IL5: variants seen among roughly 807,000 people sequenced by gnomAD.
IL5 encodes interleukin-5.
Under a neutral mutation model 16.3 loss-of-function variants are expected in IL5, and 12 were observed. That is an observed-to-expected ratio of 0.74 (90% CI 0.47 to 1.20). The LOEUF (loss-of-function observed/expected upper bound fraction) is 1.20. Among genes scored for constraint, IL5 ranks in the 50% most tolerant of loss-of-function variants. The pLI is 0.00. For missense variants in IL5, 159 were observed against 153.9 expected (o/e 1.03, Z -0.17); for synonymous variants, 54 against 56.6 (o/e 0.95, Z 0.21).
chr5:132,545,949 C>CACA (rs140055064), upstream of IL5, among the ~76,000 whole-genome samples: 676 of 151,612 alleles, frequency 4.5e-3, 5 homozygotes, highest in African/African-American at 0.011. Flanking sequence ...AAACAAAAAG[C>CACA]ACAACAACAA....
chr5:132,542,067 T>C lies in IL5; in HGVS notation c.254A>G (p.Glu85Gly), dbSNP rs1234766583. Residue 85 changes from glutamate to glycine, a missense_variant, in exon 3 of 4, where the codon GAA becomes GGA. Glu to Gly is a moderately conservative substitution (Grantham distance 98, BLOSUM62 -2). Transcript: ENST00000231454. ...TAAGGACAAGTTTTTGAATAGTCTT[T>C]CCACAGTACCCCCTTGCACAGTTTG... ...ESQTVQGGTV[E>G]RLFKNLSLIK... The C allele has an allele frequency of 6.2e-7, 1 of 1,613,906 alleles. No individual in the cohort carries two copies.
chr5:132,546,320 A>G (rs2706402), upstream of IL5, among the ~76,000 whole-genome samples: 152,096 of 152,234 alleles, frequency 1, 75,979 homozygotes, highest in Middle Eastern at 1. Flanking sequence ...CCCCGCCCCC[A>G]TTCTCCCAGC....
rs765991275 is a variant in IL5, at chr5:132,543,440, TC to T, written c.38del (p.Gly13GlufsTer18). The stretch of plus-strand genomic sequence containing the variant: ...TGGGGATGGCATACACGTAGGCAGC[TC>T]CAAGAGCTAGCAAACTCAAATGCAG... Reference protein sequence around the residue: ...MLLHLSLLALGAAYVYAIPTE... With the variant: ...MLLHLSLLALXAAYVYAIPTE... On this transcript the variant is annotated frameshift_variant, in exon 1 of 4. Coordinates refer to ENST00000231454, the MANE Select transcript of IL5 (RefSeq NM_000879.3). LOFTEE classifies it high-confidence loss of function. The T allele has an allele frequency of 6.2e-7, 1 of 1,614,040 alleles. No homozygotes were observed. The highest frequency in any genetic ancestry group is 1.1e-5 in the South Asian group (1 of 91,084).
intron 1 of IL5, among the ~76,000 whole-genome samples, chr5:132,552,191 C>T (rs919704737): frequency 6.6e-6 from 1 of 152,090 alleles, no homozygotes; most frequent in Non-Finnish European, 1.5e-5. Flanking sequence ...ATCGCTTGAA[C>T]CCGGGAGGCA....
chr5:132,544,957 C>T (rs937064168), upstream of IL5, among the ~76,000 whole-genome samples: 5 of 152,148 alleles, frequency 3.3e-5, no homozygotes, highest in Non-Finnish European at 5.9e-5. Flanking sequence ...ATTTCAGTGG[C>T]GGCCTTCTTG....
intron 1 of IL5, among the ~76,000 whole-genome samples, chr5:132,550,482 C>T (rs1411905031): frequency 6.6e-6 from 1 of 152,108 alleles, no homozygotes; most frequent in African/African-American, 2.4e-5. Flanking sequence ...CGCCATCATG[C>T]CCAGCTAATT....
intron 1 of IL5, among the ~76,000 whole-genome samples, chr5:132,553,385 A>T (rs1320290929): frequency 6.6e-6 from 1 of 152,202 alleles, no homozygotes; most frequent in Non-Finnish European, 1.5e-5. Context: ...CATAAGAGAT[A>T]ATGTTGGGTA....
At chr5:132,548,060 T>G (rs940864926), upstream of IL5, among the ~76,000 whole-genome samples, 1 of 151,818 alleles carries the variant, frequency 6.6e-6, no homozygotes, top group African/African-American at 2.4e-5. Context: ...CAGAGCGAGA[T>G]TCCATTTCAA....
At chr5:132,552,073 A>T (rs768817812) in intron 1 of IL5, among the ~76,000 whole-genome samples, 4 of 152,230 alleles carry the variant, frequency 2.6e-5, no homozygotes, top group Non-Finnish European at 4.4e-5. Flanking sequence ...GATCGAGACC[A>T]TCCTGGCCAA....
intron 1 of IL5, among the ~76,000 whole-genome samples, chr5:132,553,772 T>C (rs1214184071): frequency 6.6e-6 from 1 of 151,492 alleles, no homozygotes; most frequent in African/African-American, 2.4e-5. Context: ...CCGTCTCTAC[T>C]AAAAATACAA....
intron 1 of IL5, among the ~76,000 whole-genome samples, chr5:132,550,432 T>C (rs1296701304): frequency 6.6e-6 from 1 of 151,722 alleles, no homozygotes; most frequent in Admixed American, 6.6e-5. Context: ...CAAGCGATTC[T>C]CCTGCCTCAG....
upstream of IL5, among the ~76,000 whole-genome samples, chr5:132,546,753 T>C (rs1159662469): frequency 2.0e-5 from 3 of 152,246 alleles, no homozygotes; most frequent in South Asian, 6.2e-4. Context: ...TGGCCAGGCA[T>C]GGTGGCTCAC....
At chr5:132,555,493 C>T (rs1382060905) in intron 1 of IL5, among the ~76,000 whole-genome samples, 1 of 152,202 alleles carries the variant, frequency 6.6e-6, no homozygotes, top group Non-Finnish European at 1.5e-5. Context: ...ATACTTAACA[C>T]CACTGAAATG....
chr5:132,554,325 C>A (rs1191448528), intron 1 of IL5, among the ~76,000 whole-genome samples: 1 of 147,574 alleles, frequency 6.8e-6, no homozygotes, highest in Non-Finnish European at 1.5e-5. Flanking sequence ...CAAGATCGCA[C>A]CATTGCACTC....
At chr5:132,550,456 T>C (rs1392086028) in intron 1 of IL5, among the ~76,000 whole-genome samples, 1 of 151,916 alleles carries the variant, frequency 6.6e-6, no homozygotes, top group East Asian at 1.9e-4. Context: ...CCAGAGAAGC[T>C]GGGACTAAAG....
upstream of IL5, among the ~76,000 whole-genome samples, chr5:132,548,354 T>C (rs1749827062): frequency 2.0e-5 from 3 of 152,314 alleles, no homozygotes; most frequent in African/African-American, 7.2e-5. Context: ...TCTTCATCCT[T>C]GAGGACTAGC....
chr5:132,545,183 C>G (rs1423211539), upstream of IL5, among the ~76,000 whole-genome samples: 3 of 152,170 alleles, frequency 2.0e-5, no homozygotes, highest in Non-Finnish European at 2.9e-5. Flanking sequence ...AGAAAAGAAG[C>G]TGAGTTCTGG....
intron 1 of IL5, among the ~76,000 whole-genome samples, chr5:132,549,947 A>C (rs1348199018): frequency 6.6e-6 from 1 of 152,214 alleles, no homozygotes; most frequent in Non-Finnish European, 1.5e-5. Context: ...AGCAACTATC[A>C]GTTTTTTGAA....
At chr5:132,551,328 G>A (rs1390923731) in intron 1 of IL5, among the ~76,000 whole-genome samples, 1 of 152,178 alleles carries the variant, frequency 6.6e-6, no homozygotes, top group Non-Finnish European at 1.5e-5. Flanking sequence ...AACAACATAG[G>A]AAGTTTGGAT....
Sources: gnomAD v4.1 joint callset for allele counts (sites outside exome capture counted in the v4.1 genomes callset) on GRCh38, gnomAD v4.1.1 for gene constraint, MANE v1.5 for transcripts, NCBI Gene and HGNC (gene_info 2026-07-23, HGNC 2026-07-21) for gene names.